EOMES: variants seen among roughly 807,000 people sequenced by gnomAD.
EOMES encodes the protein eomesodermin homolog.
Under a neutral mutation model 61.0 loss-of-function variants are expected in EOMES, and 18 were observed. The observed-to-expected ratio is 0.30, with a 90% CI of 0.20 to 0.44. The LOEUF (loss-of-function observed/expected upper bound fraction) is 0.44, where lower values mean the gene tolerates loss of function less well. Among genes scored for constraint, EOMES ranks in the 20% least tolerant of loss-of-function variants. The pLI, the probability that EOMES is intolerant of heterozygous loss-of-function variation, is 1.00. For synonymous variants in EOMES, 430 were observed against 394.0 expected, an observed-to-expected ratio of 1.09 and a Z score of -1.08; for missense variants, 885 against 939.2, an observed-to-expected ratio of 0.94 and a Z score of 0.75.
rs1043097669 is a variant in EOMES, at chr3:27,716,922, G to A, written c.*148C>T. 2.0e-5 allele frequency: 12 copies of A among 610,440 alleles called. No individual in the cohort carries two copies. Among genetic ancestry groups the A allele is most frequent in the Non-Finnish European group, 3.4e-5 (12 of 349,494 alleles). 37.8% of individuals were successfully genotyped at this position (610,440 alleles called of 1,614,324 possible). On this transcript the variant is annotated 3_prime_UTR_variant, in exon 6 of 6. Coordinates refer to ENST00000449599, the MANE Select transcript of EOMES (RefSeq NM_001278182.2). ...TACCTGCAGCAATCAAAAAGCTTTGGCACCTTCTTTTAGAGAATTGCACAA... is the reference window on the plus strand; with the variant it reads ...TACCTGCAGCAATCAAAAAGCTTTGACACCTTCTTTTAGAGAATTGCACAA...
chr3:27,722,152 A>C lies in EOMES; in HGVS notation c.143T>G (p.Leu48Ter). Residue 48 changes from leucine to a stop codon, truncating the protein, a stop_gained, in exon 1 of 6, where the codon TTA becomes TGA. Transcript: ENST00000449599. LOFTEE classifies it high-confidence loss of function. ...GGAAAACTTCTTGGACGCTTTGTCT[A>C]AGTCCAACTTCTGAGGAGAGGGGGC... is the stretch of plus-strand genomic sequence containing the variant. ...SAAPSPQKLD[L>*]DKASKKFSGS... 1 of 1,572,962 alleles carries C rather than the reference A, an allele frequency of 6.4e-7. No homozygotes were observed. Among genetic ancestry groups the C allele is most frequent in the Non-Finnish European group, 8.6e-7 (1 of 1,159,886 alleles).
Position 27,717,832 on chromosome 3 carries a change from A to T in EOMES, c.1380-24T>A, listed in dbSNP as rs748799919. On this transcript the variant is annotated intron_variant, in intron 5 of 5. Coordinates refer to ENST00000449599, the MANE Select transcript of EOMES (RefSeq NM_001278182.2). The surrounding 1 kb of genome is among the most constrained non-coding windows in gnomAD (Gnocchi z 4.5). The stretch of plus-strand genomic sequence containing the variant: ...TGCTACAATATAAAGAGAAACACTT[A>T]AAAAAAAAAAAAAACCCTAATGTTG... 2 of 599,370 alleles carry T rather than the reference A, an allele frequency of 3.3e-6. No homozygotes were observed. Among genetic ancestry groups the T allele is most frequent in the Non-Finnish European group, 4.8e-6 (2 of 414,048 alleles). 37.1% of individuals were successfully genotyped at this position (599,370 alleles called of 1,614,324 possible).
At position 27,717,419 on chromosome 3, in the gene EOMES, G is replaced by T; in HGVS notation, c.1769C>A (p.Ala590Glu). ...ACCTCGACCTCCCCACCCTGCCATTGCAGGAAAGGTTGGGTCTGGGTAATA... is the reference window on the plus strand; with the variant it reads ...ACCTCGACCTCCCCACCCTGCCATTTCAGGAAAGGTTGGGTCTGGGTAATA... ...LGYYPDPTFP[A>E]MAGWGGRGSY... Residue 590 changes from alanine to glutamate, a missense_variant, in exon 6 of 6, where the codon GCA becomes GAA. Ala to Glu is a moderately radical substitution (Grantham distance 107). Around this residue, in one of 3 missense-constraint regions of EOMES, gnomAD observed 259 missense variants for 282.3 expected, o/e 0.92. Transcript: ENST00000449599. This position sits in a 1 kb window ranked among gnomAD's most constrained non-coding sequence, Gnocchi z 4.5. The T allele has an allele frequency of 1.2e-6, 2 of 1,614,210 alleles. No homozygotes were observed. The highest frequency in any genetic ancestry group is 1.7e-6 in the Non-Finnish European group (2 of 1,180,026).
Position 27,717,871 on chromosome 3 carries a change from C to T in EOMES, c.1380-63G>A, listed in dbSNP as rs1481699993. 1 of 1,226,636 alleles carries T rather than the reference C, an allele frequency of 8.2e-7. No homozygotes were observed. Among genetic ancestry groups the T allele is most frequent in the Admixed American group, 2.9e-5 (1 of 34,804 alleles). 76.0% of individuals were successfully genotyped at this position (1,226,636 alleles called of 1,614,324 possible). On this transcript the variant is annotated intron_variant, in intron 5 of 5. Transcript: ENST00000449599. The surrounding 1 kb of genome is among the most constrained non-coding windows in gnomAD (Gnocchi z 4.5). ...ACCCTAATGTTGTCCCCAAACAAACCACCTCCCAGAAATGAAAAAGGCTTG... is the reference window on the plus strand; with the variant it reads ...ACCCTAATGTTGTCCCCAAACAAACTACCTCCCAGAAATGAAAAAGGCTTG...
At chr3:27,720,123 ATTTCTTCCCGCCCG>A (rs771048195) in intron 2 of EOMES, 34 bp downstream of exon 2, 1 of 1,511,458 alleles carries the variant, frequency 6.6e-7, no homozygotes, top group Non-Finnish European at 8.9e-7. Context: ...GAGGGTTACG[ATTTCTTCCCGCCCG>A]TTCCTCCCCG....
At chr3:27,722,420 G>T, upstream of EOMES, 3 of 1,367,570 alleles carry the variant, frequency 2.2e-6, no homozygotes, top group Non-Finnish European at 1.9e-6. Context: ...CCCGCGCCGG[G>T]GCTACCCACC....
At position 27,716,599 on chromosome 3, in the gene EOMES, C is replaced by T. The variant is rs2060570491; in HGVS notation, c.*471G>A. On this transcript the variant is annotated 3_prime_UTR_variant, in exon 6 of 6. Coordinates refer to ENST00000449599, the MANE Select transcript of EOMES (RefSeq NM_001278182.2). ...ACTCCTGGGCCTAGTATCTTTTGCC[C>T]CTGGCAGAATGTAACAGCAAAATGT... is the stretch of plus-strand genomic sequence containing the variant. The T allele has an allele frequency of 6.5e-6, 1 of 154,760 alleles. No homozygotes were observed. The highest frequency in any genetic ancestry group is 2.4e-5 in the African/African-American group (1 of 41,436). The allele number at this position is 154,760 out of a possible 1,614,324, so 9.6% of individuals were successfully genotyped here.
At chr3:27,720,835 C>A (rs1213558626) in intron 1 of EOMES, among the ~76,000 whole-genome samples, 1 of 152,098 alleles carries the variant, frequency 6.6e-6, no homozygotes, top group East Asian at 1.9e-4. Context: ...CCAGTGTTAG[C>A]AGTTGGATGT....
At chr3:27,718,256 GTAA>G (rs988613068) in intron 5 of EOMES, among the ~76,000 whole-genome samples, 11 of 151,832 alleles carry the variant, frequency 7.2e-5, no homozygotes, top group African/African-American at 2.4e-4. Flanking sequence ...GTGGGGGAGA[GTAA>G]TAATATCTGC....
chr3:27,718,817 T>A lies in EOMES; in HGVS notation c.1235A>T (p.Asp412Val). 2 of 1,613,496 alleles carry A rather than the reference T, an allele frequency of 1.2e-6. No homozygotes were observed. The highest frequency in any genetic ancestry group is 1.7e-6 in the Non-Finnish European group (2 of 1,179,408). ...CTGGGTCTTTGAGGGCTCATTCAAG[T>A]CCTCCACGCCATCCTCTGTAACTTC... ...IVEVTEDGVE[D>V]LNEPSKTQTF... is the part of the protein sequence containing the mutation. The change falls in exon 4 of 6, where the codon GAC (aspartate) becomes GTC (valine). Residue 412 changes from aspartate (D) to valine (V), a missense_variant. Coordinates refer to ENST00000449599, the MANE Select transcript of EOMES (RefSeq NM_001278182.2).
At chr3:27,722,639 C>A, upstream of EOMES, 1 of 1,080,754 alleles carries the variant, frequency 9.3e-7, no homozygotes, top group Non-Finnish European at 1.1e-6. Flanking sequence ...TCTTTGTCCC[C>A]ATCCACCCAC....
Position 27,717,724 on chromosome 3 carries a change from C to T in EOMES, c.1464G>A (p.Arg488=), listed in dbSNP as rs773924843. Residue 488 remains arginine (R), a synonymous_variant, in exon 6 of 6, where the codon CGG becomes CGA. Transcript: ENST00000449599. The surrounding 1 kb of genome is among the most constrained non-coding windows in gnomAD (Gnocchi z 4.5). ...CCGGGAAGAAGGATTGAACGCCGTA[C>T]CGACCTCCAGGGACAATCTGATGGG... The part of the protein sequence containing the change: ...PRSHQIVPGG[R]YGVQSFFPEP... 1.2e-6 allele frequency: 2 copies of T among 1,613,808 alleles called. No homozygotes were observed. The highest frequency in any genetic ancestry group is 3.3e-5 in the Admixed American group (2 of 60,000).
At position 27,718,909 on chromosome 3, in the gene EOMES, A is replaced by G; in HGVS notation, c.1159-16T>C. 2 of 1,580,862 alleles carry G rather than the reference A, an allele frequency of 1.3e-6. No homozygotes were observed. Among genetic ancestry groups the G allele is most frequent in the Non-Finnish European group, 8.6e-7 (1 of 1,162,964 alleles). On this transcript the variant is annotated splice_polypyrimidine_tract_variant and intron_variant, in intron 3 of 5. Coordinates refer to ENST00000449599, the MANE Select transcript of EOMES (RefSeq NM_001278182.2). ...AGACTATCATCTGGAAAGAGTACAG[A>G]AAAAAATTGCTAAATCTAAAAAGCC...
In EOMES at chr3:27,722,291, G is replaced by A. The variant is rs745937078; in HGVS notation, c.4C>T (p.Gln2Ter). 4.5e-6 allele frequency: 7 copies of A among 1,568,586 alleles called. No homozygotes were observed. The highest frequency in any genetic ancestry group is 6.0e-6 in the Non-Finnish European group (7 of 1,161,196). Reference sequence around the variant, plus strand: ...CTCACCAAGAGCTGCTCCCCTAACTGCATGCTTTGCAAAGCGCAGACGGCA... The same window carrying A: ...CTCACCAAGAGCTGCTCCCCTAACTACATGCTTTGCAAAGCGCAGACGGCA... M[Q>*]LGEQLLVSSV... Residue 2 changes from glutamine (Q) to a stop codon, truncating the protein, a stop_gained, in exon 1 of 6, where the codon CAG (glutamine) becomes TAG (stop). Transcript: ENST00000449599. LOFTEE classifies it high-confidence loss of function.
Position 27,721,266 on chromosome 3 carries a change from C to A in EOMES, c.881+148G>T. Reference sequence around the variant, plus strand: ...ACAGAGGGACACCGCATTGGAGATGCGGTGTCTACGGAGATTTATTGCGCG... The same window carrying A: ...ACAGAGGGACACCGCATTGGAGATGAGGTGTCTACGGAGATTTATTGCGCG... On this transcript the variant is annotated intron_variant, in intron 1 of 5. Transcript: ENST00000449599. The surrounding 1 kb of genome is among the most constrained non-coding windows in gnomAD (Gnocchi z 7.4). 4.7e-6 allele frequency: 3 copies of A among 641,056 alleles called. No individual in the cohort carries two copies. The highest frequency in any genetic ancestry group is 5.4e-6 in the Non-Finnish European group (2 of 372,050). 39.7% of individuals were successfully genotyped at this position (641,056 alleles called of 1,614,324 possible).
chr3:27,722,670 T>G, upstream of EOMES: 1 of 1,025,954 alleles, frequency 9.7e-7, no homozygotes, highest in Non-Finnish European at 1.2e-6. Context: ...CTTTCTGCCC[T>G]TTTTCAATTG....
rs773252730 is a variant in EOMES, at chr3:27,721,721, G to A, written c.574C>T (p.Pro192Ser). 122 of 1,486,802 alleles carry A rather than the reference G, an allele frequency of 8.2e-5. No individual in the cohort carries two copies. Among genetic ancestry groups the A allele is most frequent in the Non-Finnish European group, 1.1e-4 (120 of 1,129,104 alleles). 92.1% of individuals were successfully genotyped at this position (1,486,802 alleles called of 1,614,324 possible). The change falls in exon 1 of 6, where the codon CCC becomes TCC. Residue 192 changes from proline to serine, a missense_variant. Pro to Ser is a moderately conservative substitution (Grantham distance 74). Transcript: ENST00000449599. This position sits in a 1 kb window ranked among gnomAD's most constrained non-coding sequence, Gnocchi z 7.4. ...GARYPYGSML[P>S]PGGFPAAVCP... ...ACAGCCGCGGGGAAGCCGCCGGGGG[G>A]CAGCATGGAGCCGTAGGGGTAGCGC...
chr3:27,721,393 G>A lies in EOMES; in HGVS notation c.881+21C>T. The A allele has an allele frequency of 6.3e-7, 1 of 1,593,104 alleles. No individual in the cohort carries two copies. Among genetic ancestry groups the A allele is most frequent in the Non-Finnish European group, 8.6e-7 (1 of 1,169,226 alleles). ...TCACCCTTTATCCCCGAACCCAGGGGCCCCTCCACGCTGCGCTCACCTGCC... is the reference window on the plus strand; with the variant it reads ...TCACCCTTTATCCCCGAACCCAGGGACCCCTCCACGCTGCGCTCACCTGCC... On this transcript the variant is annotated intron_variant, in intron 1 of 5. Transcript: ENST00000449599. This position sits in a 1 kb window ranked among gnomAD's most constrained non-coding sequence, Gnocchi z 7.4.
At chr3:27,718,489 G>A in intron 5 of EOMES, 98 bp downstream of exon 5, 2 of 831,978 alleles carry the variant, frequency 2.4e-6, no homozygotes, top group South Asian at 2.3e-5. Flanking sequence ...AATCCCAAAG[G>A]TAAAAGCTCT....
Sources: gnomAD v4.1 joint callset for allele counts (sites outside exome capture counted in the v4.1 genomes callset) on GRCh38, gnomAD v4.1.1 for gene constraint, gnomAD v4.1.1 regional missense constraint, Gnocchi (gnomAD v3.1) non-coding constraint, MANE v1.5 for transcripts, NCBI Gene and HGNC (gene_info 2026-07-23, HGNC 2026-07-21) for gene names.